The following VAMP7 variants were observed in gnomAD, a reference collection of about 807,000 sequenced individuals.
VAMP7 encodes vesicle-associated membrane protein 7.
VAMP7 carries 14 observed loss-of-function variants against 29.6 expected under a neutral mutation model. The observed-to-expected ratio is 0.47, with a 90% CI of 0.31 to 0.74. VAMP7 has a LOEUF of 0.74. Ranked by LOEUF, VAMP7 falls within the 30% of genes least tolerant of loss-of-function variation. The pLI is 0.05. For missense variants in VAMP7, 223 were observed against 262.4 expected, an observed-to-expected ratio of 0.85 and a Z score of 1.04; for synonymous variants, 95 against 88.1, an observed-to-expected ratio of 1.08 and a Z score of -0.44.
At chrX:155,883,607 T>A (rs1044352764) in intron 1 of VAMP7, among the ~76,000 whole-genome samples, 19 of 152,280 alleles carry the variant, frequency 1.2e-4, no homozygotes, top group African/African-American at 4.6e-4. Flanking sequence ...CCATGTGCTA[T>A]GTAATGAGTT....
intron 6 of VAMP7, among the ~76,000 whole-genome samples, chrX:155,936,296 G>A (rs1287637574): frequency 1.3e-5 from 2 of 152,216 alleles, no homozygotes; most frequent in Admixed American, 6.5e-5. Flanking sequence ...TGCCCCCAGA[G>A]GTGGAGTCTA....
At chrX:155,912,572 C>T (rs1471385616) in intron 5 of VAMP7, among the ~76,000 whole-genome samples, 1 of 151,658 alleles carries the variant, frequency 6.6e-6, no homozygotes, top group Admixed American at 6.6e-5. Context: ...CATGTGTTCT[C>T]ATTGTTCAAC....
intron 7 of VAMP7, among the ~76,000 whole-genome samples, chrX:155,940,816 A>T (rs1226162665): frequency 6.6e-6 from 1 of 152,108 alleles, no homozygotes; most frequent in African/African-American, 2.4e-5. Context: ...TGTGAATATG[A>T]TGTCAGAAGT....
In VAMP7 at chrX:155,900,237, A is replaced by G. The variant is rs142900774; in HGVS notation, c.343-260A>G. 5.9e-5 allele frequency among the ~76,000 whole-genome samples: 9 copies of G among 152,034 alleles called. No homozygotes were observed. The East Asian group carries it at 7.7e-4, about 13-fold the overall frequency. On this transcript the variant is annotated intron_variant, in intron 4 of 7. Coordinates refer to ENST00000286448, the MANE Select transcript of VAMP7 (RefSeq NM_005638.6). The stretch of plus-strand genomic sequence containing the variant: ...CCCACAAGTCACATGTATATTTGAT[A>G]TAATGTTTATTTTTATTTTATTTAA...
At chrX:155,923,736 A>G (rs376012640) in intron 6 of VAMP7, among the ~76,000 whole-genome samples, 1 of 152,044 alleles carries the variant, frequency 6.6e-6, no homozygotes, top group East Asian at 1.9e-4. Flanking sequence ...AGCTCTTTCT[A>G]GGCTTCCAGT....
At position 155,938,654 on chromosome X, in the gene VAMP7, A is replaced by G. The variant is rs2066698086; in HGVS notation, c.502-1047A>G. 3.3e-5 allele frequency among the ~76,000 whole-genome samples: 5 copies of G among 152,050 alleles called. No individual in the cohort carries two copies. In the South Asian group the frequency reaches 1.0e-3, roughly 32 times the overall value. ...TGTCCTGATTTCTCCACATAGATTA[A>G]TAAAACATAGCAGGGGCCGAGAGTG... On this transcript the variant is annotated intron_variant, in intron 6 of 7. Coordinates refer to ENST00000286448, the MANE Select transcript of VAMP7 (RefSeq NM_005638.6).
At chrX:155,927,166 A>T (rs1209063543) in intron 6 of VAMP7, among the ~76,000 whole-genome samples, 1 of 152,044 alleles carries the variant, frequency 6.6e-6, no homozygotes, top group East Asian at 1.9e-4. Context: ...TGGGAGTTGA[A>T]CAATGAGAAC....
At chrX:155,917,709 C>T (rs921173973) in intron 5 of VAMP7, among the ~76,000 whole-genome samples, 5 of 152,096 alleles carry the variant, frequency 3.3e-5, no homozygotes, top group African/African-American at 4.8e-5. Flanking sequence ...CTGCCAGATG[C>T]CAGCCAGAGC....
chrX:155,919,519 C>A (rs968075214), intron 5 of VAMP7, among the ~76,000 whole-genome samples: 1 of 152,112 alleles, frequency 6.6e-6, no homozygotes. Context: ...TGGGTACATT[C>A]AGTAGTGTAG....
chrX:155,899,790 CCTT>C (rs1320002750), intron 4 of VAMP7, among the ~76,000 whole-genome samples: 1 of 151,936 alleles, frequency 6.6e-6, no homozygotes, highest in Non-Finnish European at 1.5e-5. Flanking sequence ...ATCTGTGTGA[CCTT>C]CTGAACAAAA....
rs1241797466 is a variant in VAMP7, at chrX:155,942,753, A to G, written c.*802A>G. 1 of 152,978 alleles carries G rather than the reference A, an allele frequency of 6.5e-6. No homozygotes were observed. Among genetic ancestry groups the G allele is most frequent in the African/African-American group, 2.4e-5 (1 of 41,414 alleles). The allele number at this position is 152,978 out of a possible 1,614,324, so 9.5% of individuals were successfully genotyped here. A position where few individuals can be genotyped will look rare whatever the true frequency, so the allele number is the denominator to read the frequency against. On this transcript the variant is annotated 3_prime_UTR_variant, in exon 8 of 8. Coordinates refer to ENST00000286448, the MANE Select transcript of VAMP7 (RefSeq NM_005638.6). The stretch of plus-strand genomic sequence containing the variant: ...AGGGCAATCGTGTCGCTAATAGAAT[A>G]TGTAGTAGAGGGGGTGGGGAGGTAA...
At chrX:155,925,010 A>G (rs2066448406) in intron 6 of VAMP7, among the ~76,000 whole-genome samples, 1 of 152,190 alleles carries the variant, frequency 6.6e-6, no homozygotes, top group African/African-American at 2.4e-5. Context: ...TGCATAAGAA[A>G]CAACTCCTCA....
chrX:155,919,812 G>A lies in VAMP7; in HGVS notation c.434-1G>A. 6.2e-7 allele frequency: 1 copy of A among 1,611,742 alleles called. No homozygotes were observed. The highest frequency in any genetic ancestry group is 8.5e-7 in the Non-Finnish European group (1 of 1,179,128). ...CTTTTCTACTTTTCCAATATTTTCA[G>A]ATCTGGTAGCTCAGCGAGGAGAAAG... On this transcript the variant is annotated splice_acceptor_variant, in intron 5 of 7. Coordinates refer to ENST00000286448, the MANE Select transcript of VAMP7 (RefSeq NM_005638.6). LOFTEE classifies it high-confidence loss of function.
chrX:155,904,095 T>G (rs2066111154), intron 5 of VAMP7, among the ~76,000 whole-genome samples: 1 of 150,712 alleles, frequency 6.6e-6, no homozygotes, highest in Non-Finnish European at 1.5e-5. Flanking sequence ...CTCAGTAAAC[T>G]ATCGCAAGAA....
intron 1 of VAMP7, among the ~76,000 whole-genome samples, chrX:155,884,831 G>C (rs1158199298): frequency 2.0e-5 from 3 of 152,170 alleles, no homozygotes; most frequent in Admixed American, 6.5e-5. Context: ...ACCTGAAACT[G>C]TCTTCAGCCT....
intron 3 of VAMP7, among the ~76,000 whole-genome samples, chrX:155,895,985 G>C (rs144582366): frequency 6.8e-4 from 104 of 152,198 alleles, no homozygotes; most frequent in East Asian, 5.8e-3. Flanking sequence ...GATGATCTGA[G>C]GTGGAACAGT....
chrX:155,930,708 AATAT>A (rs953388537), intron 6 of VAMP7, among the ~76,000 whole-genome samples: 6 of 150,130 alleles, frequency 4.0e-5, no homozygotes, highest in African/African-American at 1.5e-4. Context: ...TTTTTTTATA[AATAT>A]ATATATTTTT....
At chrX:155,913,947 C>G (rs768752721) in intron 5 of VAMP7, among the ~76,000 whole-genome samples, 16 of 152,236 alleles carry the variant, frequency 1.1e-4, no homozygotes, top group African/African-American at 3.9e-4. Context: ...AGCATTGAAT[C>G]TATAAATTAC....
intron 1 of VAMP7, among the ~76,000 whole-genome samples, chrX:155,886,091 C>G (rs1019072008): frequency 6.6e-6 from 1 of 151,858 alleles, no homozygotes; most frequent in African/African-American, 2.4e-5. Flanking sequence ...TTTTTTTCTT[C>G]CCTTCTCTCT....
Sources: gnomAD v4.1 joint callset for allele counts (sites outside exome capture counted in the v4.1 genomes callset) on GRCh38, gnomAD v4.1.1 for gene constraint, MANE v1.5 for transcripts, NCBI Gene and HGNC (gene_info 2026-07-23, HGNC 2026-07-21) for gene names.